The following JRK variants were observed in gnomAD, a reference collection of about 807,000 sequenced individuals.
JRK encodes jerky protein homolog.
For synonymous variants in JRK, 303 were observed against 218.1 expected, an observed-to-expected ratio of 1.39 and a Z score of -3.43; for missense variants, 720 against 509.2, an observed-to-expected ratio of 1.41 and a Z score of -3.98.
rs1442762345 is a variant in JRK, at chr8:142,665,188, C to T, written c.871G>A (p.Asp291Asn). The T allele has an allele frequency of 1.1e-5, 8 of 717,824 alleles. No individual in the cohort carries two copies. The Admixed American group carries it at 1.6e-4, about 14-fold the overall frequency. The allele number at this position is 717,824 out of a possible 1,614,324, so 44.5% of individuals were successfully genotyped here. Residue 291 changes from aspartate (D) to asparagine (N), a missense_variant, in exon 2 of 2, where the codon GAC becomes AAC. Asp to Asn is a conservative substitution (Grantham distance 23). Coordinates refer to ENST00000612905, the MANE Select transcript of JRK (RefSeq NM_003724.4). ...TCCAGCAAGAGAACGGCTTTGCTGT[C>T]TTCCGGCAAACCTATGGTTCTGAAG... ...EHFRTIGLPE[D>N]SKAVLLLDSS... is the part of the protein sequence containing the mutation.
In JRK at chr8:142,664,675, C is replaced by A. The variant is rs74389389; in HGVS notation, c.1384G>T (p.Val462Leu). ...TTCGGAGTCTTTTCTGAACTCCACA[C>A]AACCTCTGCTGGCGACGTGGCAGCA... ...PPAATSPAEV[V>L]WSSEKTPKAD... is the part of the protein sequence containing the mutation. The change falls in exon 2 of 2, where the codon GTG becomes TTG. Residue 462 changes from valine (V) to leucine (L), a missense_variant. Transcript: ENST00000612905. 6.2e-7 allele frequency: 1 copy of A among 1,611,616 alleles called. No homozygotes were observed. Among genetic ancestry groups the A allele is most frequent in the Non-Finnish European group, 8.5e-7 (1 of 1,179,220 alleles).
chr8:142,660,440 C>G lies in JRK; in HGVS notation c.*3912G>C, dbSNP rs2129705039. The G allele has an allele frequency of 1.0e-6, 1 of 981,982 alleles. No homozygotes were observed. The highest frequency in any genetic ancestry group is 1.2e-6 in the Non-Finnish European group (1 of 826,784). The allele number at this position is 981,982 out of a possible 1,614,324, so 60.8% of individuals were successfully genotyped here. Reference sequence around the variant, plus strand: ...GTTTTTAGAGATTAGGTCTCTCACTCTGTCACCCAGGCTGGAGTGCAGAGG... The same window carrying G: ...GTTTTTAGAGATTAGGTCTCTCACTGTGTCACCCAGGCTGGAGTGCAGAGG... On this transcript the variant is annotated 3_prime_UTR_variant, in exon 2 of 2. Coordinates refer to ENST00000612905, the MANE Select transcript of JRK (RefSeq NM_003724.4).
downstream of JRK, among the ~76,000 whole-genome samples, chr8:142,653,652 C>T (rs1846703133): frequency 6.6e-6 from 1 of 152,180 alleles, no homozygotes; most frequent in Admixed American, 6.5e-5. Context: ...GCTAGGATTA[C>T]AAGTGTGGGC....
chr8:142,666,629 T>C (rs1196789555), intron 1 of JRK, 109 bp from the exon 2 acceptor site: 1 of 186,066 alleles, frequency 5.4e-6, no homozygotes, highest in African/African-American at 2.3e-5. Flanking sequence ...TCAAGGGCTG[T>C]TGAGAGGACC....
At chr8:142,654,987 G>A (rs1846721596), downstream of JRK, among the ~76,000 whole-genome samples, 1 of 152,162 alleles carries the variant, frequency 6.6e-6, no homozygotes, top group Admixed American at 6.5e-5. Context: ...GCCCCAAGGT[G>A]GCTTTGAGGA....
the JRK span, among the ~76,000 whole-genome samples, chr8:142,651,050 GT>G: frequency 6.6e-4 from 100 of 152,106 alleles, no homozygotes; most frequent in African/African-American, 2.3e-3. Context: ...TAGGTCCCCC[GT>G]GCAGCAGAGG....
Position 142,661,822 on chromosome 8 carries a change from C to T in JRK, c.*2530G>A, listed in dbSNP as rs1040280847. ...ATTCTGAGGCTAAAACATTCAACCACTTGAGCTTCTGAGACGGGTCAGGAA... is the reference window on the plus strand; with the variant it reads ...ATTCTGAGGCTAAAACATTCAACCATTTGAGCTTCTGAGACGGGTCAGGAA... On this transcript the variant is annotated 3_prime_UTR_variant, in exon 2 of 2. Coordinates refer to ENST00000612905, the MANE Select transcript of JRK (RefSeq NM_003724.4). 18 of 985,508 alleles carry T rather than the reference C, an allele frequency of 1.8e-5. No individual in the cohort carries two copies. The highest frequency in any genetic ancestry group is 2.2e-5 in the Non-Finnish European group (18 of 830,080). 61.0% of individuals were successfully genotyped at this position (985,508 alleles called of 1,614,324 possible).
rs782672227 is a variant in JRK at position 142,665,774 on chromosome 8, C to T, written c.285G>A (p.Glu95=). The T allele has an allele frequency of 1.3e-6, 1 of 777,750 alleles. No individual in the cohort carries two copies. The highest frequency in any genetic ancestry group is 2.4e-6 in the Non-Finnish European group (1 of 416,764). The allele number at this position is 777,750 out of a possible 1,614,324, so 48.2% of individuals were successfully genotyped here. ...KLEHLDRVLY[E]WFLGKRSEGV... The stretch of plus-strand genomic sequence containing the variant: ...CCTCGGAGCGCTTCCCCAGGAACCA[C>T]TCGTACAGGACGCGGTCCAGGTGCT... Residue 95 remains glutamate (E), a synonymous_variant, in exon 2 of 2, where the codon GAG becomes GAA. Coordinates refer to ENST00000612905, the MANE Select transcript of JRK (RefSeq NM_003724.4).
At chr8:142,649,198 G>T in the JRK span, among the ~76,000 whole-genome samples, 3 of 152,192 alleles carry the variant, frequency 2.0e-5, no homozygotes, top group Non-Finnish European at 4.4e-5. Flanking sequence ...TTGAGTTAAT[G>T]TTGAAATGAA....
chr8:142,653,213 C>T (rs1418910582), downstream of JRK, among the ~76,000 whole-genome samples: 2 of 152,178 alleles, frequency 1.3e-5, no homozygotes, highest in African/African-American at 4.8e-5. Flanking sequence ...AAGCCACCCT[C>T]GTAATACTAA....
At chr8:142,644,738 C>T in the JRK span, among the ~76,000 whole-genome samples, 1 of 152,076 alleles carries the variant, frequency 6.6e-6, no homozygotes, top group Non-Finnish European at 1.5e-5. Flanking sequence ...ACTTAATATT[C>T]CAAACAATAA....
the JRK span, among the ~76,000 whole-genome samples, chr8:142,648,712 GC>G: frequency 6.6e-6 from 1 of 152,232 alleles, no homozygotes; most frequent in Non-Finnish European, 1.5e-5. Flanking sequence ...TGGGGTCAGA[GC>G]CCCCATGCAG....
intron 1 of JRK, among the ~76,000 whole-genome samples, chr8:142,668,065 G>A (rs1460278999): frequency 2.0e-5 from 3 of 152,222 alleles, no homozygotes; most frequent in African/African-American, 4.8e-5. Context: ...TGTGGCGTGC[G>A]TGCTATGGGC....
In JRK at chr8:142,660,577, C is replaced by T. The variant is rs1554634353; in HGVS notation, c.*3775G>A. 2.8e-6 allele frequency: 2 copies of T among 725,322 alleles called. No individual in the cohort carries two copies. Among genetic ancestry groups the T allele is most frequent in the South Asian group, 6.4e-5 (1 of 15,706 alleles). The allele number at this position is 725,322 out of a possible 1,614,324, so 44.9% of individuals were successfully genotyped here. On this transcript the variant is annotated 3_prime_UTR_variant, in exon 2 of 2. Transcript: ENST00000612905. ...ACCACACCTGGCTCATTTTCTTTTA[C>T]TTTCTGTAGAGATGGGGTCTCCCTA... is the stretch of plus-strand genomic sequence containing the variant.
At position 142,660,749 on chromosome 8, in the gene JRK, G is replaced by A. The variant is rs587738195; in HGVS notation, c.*3603C>T. On this transcript the variant is annotated 3_prime_UTR_variant, in exon 2 of 2. Coordinates refer to ENST00000612905, the MANE Select transcript of JRK (RefSeq NM_003724.4). The stretch of plus-strand genomic sequence containing the variant: ...GGGCGTGAGGTGAGGTCCCTGAGGT[G>A]CAGTGTGGACGGGTCTTGATTTGTC... 1.9e-4 allele frequency: 185 copies of A among 985,494 alleles called. No homozygotes were observed. The African/African-American group carries it at 3.0e-3, about 16-fold the overall frequency. 61.0% of individuals were successfully genotyped at this position (985,494 alleles called of 1,614,324 possible).
chr8:142,645,844 T>C, the JRK span, among the ~76,000 whole-genome samples: 1 of 152,234 alleles, frequency 6.6e-6, no homozygotes, highest in African/African-American at 2.4e-5. Flanking sequence ...CATATAAAAT[T>C]ACTTCTCTTT....
At chr8:142,669,082 G>A (rs1157107297) in intron 1 of JRK, among the ~76,000 whole-genome samples, 3 of 152,228 alleles carry the variant, frequency 2.0e-5, no homozygotes, top group African/African-American at 7.2e-5. Context: ...GGCCAGCGCT[G>A]GGGCTGACTC....
chr8:142,663,293 A>C lies in JRK; in HGVS notation c.*1059T>G. 2.0e-6 allele frequency: 2 copies of C among 985,484 alleles called. No homozygotes were observed. The highest frequency in any genetic ancestry group is 2.4e-6 in the Non-Finnish European group (2 of 829,942). The allele number at this position is 985,484 out of a possible 1,614,324, so 61.0% of individuals were successfully genotyped here. A position where few individuals can be genotyped will look rare whatever the true frequency, so the allele number is the denominator to read the frequency against. ...TGGAGATGCCGCAAAGCAACTACAG[A>C]CATGGAGAAAATAACCACATCCTCT... On this transcript the variant is annotated 3_prime_UTR_variant, in exon 2 of 2. Coordinates refer to ENST00000612905, the MANE Select transcript of JRK (RefSeq NM_003724.4).
the JRK span, among the ~76,000 whole-genome samples, chr8:142,643,900 T>C: frequency 6.6e-6 from 1 of 152,256 alleles, no homozygotes; most frequent in African/African-American, 2.4e-5. Flanking sequence ...AAATATGTTA[T>C]AAATTTTGTT....
Sources: gnomAD v4.1 joint callset for allele counts (sites outside exome capture counted in the v4.1 genomes callset) on GRCh38, gnomAD v4.1.1 for gene constraint, MANE v1.5 for transcripts, NCBI Gene and HGNC (gene_info 2026-07-23, HGNC 2026-07-21) for gene names.